The following HLA-F variants were observed in gnomAD, a reference collection of about 807,000 sequenced individuals.
The protein encoded by HLA-F is HLA class I histocompatibility antigen, alpha chain F.
A neutral mutation model predicts 49.5 loss-of-function variants in HLA-F; 46 were observed. That is an observed-to-expected ratio of 0.93 (90% CI 0.73 to 1.19). The LOEUF is 1.19. Among genes scored for constraint, HLA-F ranks in the 50% most tolerant of loss-of-function variants. The pLI, the probability that HLA-F is intolerant of heterozygous loss-of-function variation, is 0.00. For missense variants in HLA-F, 496 were observed against 579.6 expected (o/e 0.86, Z 1.48); for synonymous variants, 203 against 233.5 (o/e 0.87, Z 1.19).
chr6:29,724,556 T>C, intron 3 of HLA-F, 108 bp downstream of exon 3: 3 of 1,116,168 alleles, frequency 2.7e-6, no homozygotes, highest in East Asian at 5.1e-5. Flanking sequence ...GCCCTCCCTC[T>C]AGTCCTGAGT....
chr6:29,723,539 GT>G lies in HLA-F; in HGVS notation c.64+13del. On this transcript the variant is annotated intron_variant, in intron 1 of 6. Coordinates refer to ENST00000259951, the MANE Select transcript of HLA-F (RefSeq NM_001098479.2). ...CGATACTTGGGCGGGTGAGTGCGGGGTCCAGAGAGAAACGGCCTCTGTGGGG... is the reference window on the plus strand; with the variant it reads ...CGATACTTGGGCGGGTGAGTGCGGGGCCAGAGAGAAACGGCCTCTGTGGGG... The G allele has an allele frequency of 6.2e-7, 1 of 1,609,428 alleles. No homozygotes were observed. Among genetic ancestry groups the G allele is most frequent in the Non-Finnish European group, 8.5e-7 (1 of 1,178,798 alleles).
chr6:29,729,938 G>T (rs1475436573), downstream of HLA-F, among the ~76,000 whole-genome samples: 5 of 152,302 alleles, frequency 3.3e-5, no homozygotes, highest in African/African-American at 9.6e-5. Flanking sequence ...ATGTGGAGAA[G>T]TCACAACACT....
chr6:29,725,409 T>C lies in HLA-F; in HGVS notation c.887-38T>C, dbSNP rs367892074. The C allele has an allele frequency of 2.7e-5, 44 of 1,609,308 alleles. No individual in the cohort carries two copies. The African/African-American group carries it at 4.7e-4, about 17-fold the overall frequency. On this transcript the variant is annotated intron_variant, in intron 4 of 6. Coordinates refer to ENST00000259951, the MANE Select transcript of HLA-F (RefSeq NM_001098479.2). The stretch of plus-strand genomic sequence containing the variant: ...CTTCAGCAGGGTCAGGGCTGAGGCC[T>C]GGAGATCAGGGCCCCTCACCTTCCC...
chr6:29,725,637 C>A, intron 5 of HLA-F, 74 bp downstream of exon 5: 3 of 1,261,964 alleles, frequency 2.4e-6, no homozygotes, highest in Admixed American at 1.7e-5. Flanking sequence ...TAGAAGTGTG[C>A]CCTGCCTCAT....
chr6:29,734,795 T>A (rs1776915803), intron 3 of HLA-F, among the ~76,000 whole-genome samples: 1 of 152,142 alleles, frequency 6.6e-6, no homozygotes, highest in Non-Finnish European at 1.5e-5. Flanking sequence ...CAGGGGAAAC[T>A]CTGCACCATT....
chr6:29,730,411 G>A (rs1776469865), downstream of HLA-F, among the ~76,000 whole-genome samples: 1 of 152,128 alleles, frequency 6.6e-6, no homozygotes, highest in African/African-American at 2.4e-5. Flanking sequence ...GGGCAGCTTT[G>A]GTTTAATGGG....
At chr6:29,726,681 A>G in intron 6 of HLA-F, 1 of 1,407,882 alleles carries the variant, frequency 7.1e-7, no homozygotes, top group Non-Finnish European at 9.9e-7. Flanking sequence ...AGGTGATCCC[A>G]ATTTTGGTGG....
intron 3 of HLA-F, chr6:29,736,335 G>T: frequency 2.3e-6 from 1 of 437,722 alleles, no homozygotes; most frequent in Non-Finnish European, 4.5e-6. Context: ...TGCTCTTGTT[G>T]TAGATTCTCC....
Position 29,724,315 on chromosome 6 carries a change from C to A in HLA-F, c.477C>A (p.Thr159=), listed in dbSNP as rs113215414. ...EDLRSWTAAD[T]VAQITQRFYE... is the part of the protein sequence containing the mutation. ...TGCGCTCCTGGACCGCGGCGGACAC[C>A]GTGGCTCAGATCACCCAGCGCTTCT... The change falls in exon 3 of 7, where the codon ACC becomes ACA. Residue 159 remains threonine, a synonymous_variant. Coordinates refer to ENST00000259951, the MANE Select transcript of HLA-F (RefSeq NM_001098479.2). 21 of 1,613,142 alleles carry A rather than the reference C, an allele frequency of 1.3e-5. No homozygotes were observed. In the East Asian group the frequency reaches 3.8e-4, roughly 29 times the overall value.
At chr6:29,728,158 A>G (rs1776284381), downstream of HLA-F, 1 of 493,138 alleles carries the variant, frequency 2.0e-6, no homozygotes. Context: ...TCACCCACAT[A>G]ACAGATAATT....
In HLA-F at chr6:29,724,257, A is replaced by G; in HGVS notation, c.419A>G (p.Asp140Gly). 6.2e-7 allele frequency: 1 copy of G among 1,613,226 alleles called. No homozygotes were observed. Among genetic ancestry groups the G allele is most frequent in the Non-Finnish European group, 8.5e-7 (1 of 1,180,030 alleles). The change falls in exon 3 of 7, where the codon GAC (aspartate) becomes GGC (glycine). Residue 140 changes from aspartate to glycine, a missense_variant. Physicochemically the swap from Asp to Gly is moderately conservative, Grantham distance 94. Coordinates refer to ENST00000259951, the MANE Select transcript of HLA-F (RefSeq NM_001098479.2). ...CGCGGGTATCACCAGCACGCGTACG[A>G]CGGCAAGGATTACATCTCCCTGAAC... is the stretch of plus-strand genomic sequence containing the variant. Reference protein sequence around the residue: ...LLRGYHQHAYDGKDYISLNED... With the variant: ...LLRGYHQHAYGGKDYISLNED...
downstream of HLA-F, chr6:29,728,060 A>G (rs1340387590): frequency 1.9e-6 from 1 of 519,052 alleles, no homozygotes; most frequent in African/African-American, 1.9e-5. Context: ...TTTTGTTGCC[A>G]TGACTGGAGT....
At chr6:29,734,304 G>T (rs371264000) in intron 3 of HLA-F, among the ~76,000 whole-genome samples, 1 of 152,154 alleles carries the variant, frequency 6.6e-6, no homozygotes, top group Non-Finnish European at 1.5e-5. Context: ...ATACTCACTG[G>T]TAAGCAGGAT....
At chr6:29,735,165 A>G (rs894856806) in intron 3 of HLA-F, 7 of 131,010 alleles carry the variant, frequency 5.3e-5, no homozygotes, top group Non-Finnish European at 9.5e-5. Context: ...TACTATATAT[A>G]GTACTATATA....
At chr6:29,731,231 A>G (rs1611351), downstream of HLA-F, among the ~76,000 whole-genome samples, 9,836 of 38,044 alleles carry the variant, frequency 0.26, 421 homozygotes, top group Middle Eastern at 0.38. Context: ...GTAGATGGAT[A>G]CATAGATAGA....
chr6:29,724,525 T>C, intron 3 of HLA-F, 77 bp downstream of exon 3: 1 of 1,485,532 alleles, frequency 6.7e-7, no homozygotes, highest in South Asian at 1.2e-5. Flanking sequence ...GGGAGGAAAG[T>C]GGACCCAATG....
chr6:29,729,572 A>G (rs1562298978), downstream of HLA-F, among the ~76,000 whole-genome samples: 1 of 152,272 alleles, frequency 6.6e-6, no homozygotes, highest in Non-Finnish European at 1.5e-5. Flanking sequence ...AGAAAATCTT[A>G]GGAACATTGG....
chr6:29,726,376 A>G (rs1303812889), intron 6 of HLA-F: 3 of 1,610,678 alleles, frequency 1.9e-6, no homozygotes, highest in Non-Finnish European at 2.5e-6. Flanking sequence ...ACTGATACGA[A>G]TTTGTTCATG....
chr6:29,733,413 T>C (rs1776799235), intron 3 of HLA-F, among the ~76,000 whole-genome samples: 1 of 152,196 alleles, frequency 6.6e-6, no homozygotes, highest in Non-Finnish European at 1.5e-5. Flanking sequence ...TCTTCTGTGA[T>C]CAAATAGATT....
Sources: allele counts gnomAD v4.1 joint callset (sites outside exome capture counted in the v4.1 genomes callset), GRCh38; gene constraint gnomAD v4.1.1; transcripts MANE v1.5; gene names NCBI Gene and HGNC (gene_info 2026-07-23, HGNC 2026-07-21).